ATG4C: variants seen among roughly 807,000 people sequenced by gnomAD.
ATG4C encodes cysteine protease ATG4C.
Under a neutral mutation model 57.6 loss-of-function variants are expected in ATG4C, and 56 were observed. That is an observed-to-expected ratio of 0.97 (90% CI 0.78 to 1.21). The LOEUF is 1.21. Among genes scored for constraint, ATG4C ranks in the 50% most tolerant of loss-of-function variants. The pLI is 0.00. For synonymous variants in ATG4C, 157 were observed against 174.1 expected (o/e 0.90, Z 0.78); for missense variants, 595 against 529.8 (o/e 1.12, Z -1.21).
chr1:62,839,992 GGAGA>G (rs1477570355), intron 9 of ATG4C, among the ~76,000 whole-genome samples: 1 of 152,086 alleles, frequency 6.6e-6, no homozygotes, highest in Non-Finnish European at 1.5e-5. Flanking sequence ...GGATGTACAG[GGAGA>G]GAAAGAGTGA....
chr1:62,785,730 C>G (rs1664060184), intron 1 of ATG4C, among the ~76,000 whole-genome samples: 3 of 151,988 alleles, frequency 2.0e-5, no homozygotes, highest in Admixed American at 1.3e-4. Context: ...CAAGTATGAT[C>G]TATACATGTC....
chr1:62,831,361 C>T (rs749736593), intron 7 of ATG4C, among the ~76,000 whole-genome samples: 13 of 151,976 alleles, frequency 8.6e-5, no homozygotes, highest in Admixed American at 3.3e-4. Context: ...TATGGTCAGC[C>T]GTTGTATTTT....
intron 3 of ATG4C, among the ~76,000 whole-genome samples, chr1:62,810,242 C>T (rs945155042): frequency 6.6e-6 from 1 of 152,070 alleles, no homozygotes; most frequent in African/African-American, 2.4e-5. Context: ...GGGGTTACTG[C>T]TGAAAGTATG....
intron 6 of ATG4C, among the ~76,000 whole-genome samples, chr1:62,825,547 T>G (rs1665623799): frequency 6.6e-6 from 1 of 152,158 alleles, no homozygotes; most frequent in African/African-American, 2.4e-5. Context: ...AGACTTCATC[T>G]CATCTTTTTT....
chr1:62,800,443 C>T lies in ATG4C; in HGVS notation c.-68-3276C>T, dbSNP rs192111599. On this transcript the variant is annotated intron_variant, in intron 1 of 10. Coordinates refer to ENST00000317868, the MANE Select transcript of ATG4C (RefSeq NM_032852.4). ...ACTCCCTTCATTCCCCCTTCGCTGT[C>T]CCTGCGCTTGCCTGTGTCATATGAC... 2.1e-4 allele frequency among the ~76,000 whole-genome samples: 32 copies of T among 152,250 alleles called. No individual in the cohort carries two copies. In the East Asian group the frequency reaches 6.2e-3, roughly 29 times the overall value.
intron 10 of ATG4C, among the ~76,000 whole-genome samples, chr1:62,845,066 T>C (rs2100349781): frequency 6.6e-6 from 1 of 152,192 alleles, no homozygotes; most frequent in South Asian, 2.1e-4. Flanking sequence ...ATAATATTCT[T>C]GTACATATCT....
chr1:62,838,174 C>T (rs10493327), intron 9 of ATG4C, among the ~76,000 whole-genome samples: 69,209 of 151,784 alleles, frequency 0.46, 15,896 homozygotes, highest in East Asian at 0.67. Flanking sequence ...AATTGGTAAA[C>T]AATGTATCAA....
chr1:62,823,049 G>A (rs988162799), intron 6 of ATG4C, among the ~76,000 whole-genome samples: 10 of 152,128 alleles, frequency 6.6e-5, no homozygotes, highest in Admixed American at 6.6e-4. Context: ...CCAGCTACTC[G>A]GGAGGCTGGG....
rs1430517731 is a variant in ATG4C, at chr1:62,834,834, A to AT, written c.1071_1072insT (p.Lys358Ter). The AT allele has an allele frequency of 6.2e-7, 1 of 1,612,160 alleles. No homozygotes were observed. The highest frequency in any genetic ancestry group is 1.3e-5 in the African/African-American group (1 of 74,972). On this transcript the variant is annotated frameshift_variant, in exon 9 of 11. Coordinates refer to ENST00000317868, the MANE Select transcript of ATG4C (RefSeq NM_032852.4). LOFTEE classifies it high-confidence loss of function. ...GCCAATCTTTTGTAGATGTCAGCAT[A>AT]AAGGATTTCCCTCTTGAGGTACTGT...
intron 10 of ATG4C, among the ~76,000 whole-genome samples, chr1:62,844,027 AG>A (rs1285719077): frequency 1.3e-5 from 2 of 152,150 alleles, no homozygotes; most frequent in African/African-American, 4.8e-5. Context: ...GGGAAAGAGA[AG>A]GTTACTTCAA....
rs60298362 is a variant in ATG4C, at chr1:62,801,958, C to CAAAAAAAAAAA, written c.-68-1744_-68-1734dup. Among the ~76,000 whole-genome samples, 60 of 51,888 alleles carry CAAAAAAAAAAA rather than the reference C, an allele frequency of 1.2e-3. 1 individual carries two copies. Among genetic ancestry groups the CAAAAAAAAAAA allele is most frequent in the South Asian group, 2.3e-3 (2 of 860 alleles). The allele number at this position is 51,888 out of a possible 152,430, so 34.0% of individuals were successfully genotyped here. ...GGGGGACAGAGCAAGACTCTGTCTC[C>CAAAAAAAAAAA]AAAAAAAAAAAAAAAAAAAAAAAAA... On this transcript the variant is annotated intron_variant, in intron 1 of 10. Coordinates refer to ENST00000317868, the MANE Select transcript of ATG4C (RefSeq NM_032852.4).
chr1:62,836,278 A>G (rs1665996613), intron 9 of ATG4C, among the ~76,000 whole-genome samples: 1 of 152,104 alleles, frequency 6.6e-6, no homozygotes, highest in South Asian at 2.1e-4. Flanking sequence ...AATTGATTTT[A>G]AGATTTTACT....
chr1:62,786,883 A>G (rs1315791049), intron 1 of ATG4C, among the ~76,000 whole-genome samples: 1 of 152,172 alleles, frequency 6.6e-6, no homozygotes, highest in Non-Finnish European at 1.5e-5. Context: ...GGGAGAGGCC[A>G]GTTAGAAGAT....
chr1:62,786,168 TC>T (rs963619592), intron 1 of ATG4C, among the ~76,000 whole-genome samples: 2 of 152,176 alleles, frequency 1.3e-5, no homozygotes, highest in African/African-American at 4.8e-5. Context: ...TTTCGACTCT[TC>T]CCACTGTACA....
intron 1 of ATG4C, among the ~76,000 whole-genome samples, chr1:62,793,618 A>AAAAAAAAAAAAAAC (rs1553221617): frequency 4.8e-5 from 5 of 104,054 alleles, no homozygotes; most frequent in South Asian, 3.2e-4. Context: ...AAAAAAAAAA[A>AAAAAAAAAAAAAAC]AACCAAAAAA....
At chr1:62,854,777 A>G (rs1299216014) in intron 10 of ATG4C, among the ~76,000 whole-genome samples, 2 of 152,134 alleles carry the variant, frequency 1.3e-5, no homozygotes, top group East Asian at 3.8e-4. Context: ...TGACCCTTAC[A>G]TGTTAGTAAG....
chr1:62,805,560 T>C (rs1188838919), intron 3 of ATG4C, among the ~76,000 whole-genome samples: 5 of 152,112 alleles, frequency 3.3e-5, no homozygotes, highest in South Asian at 2.1e-4. Flanking sequence ...AGTATCACCT[T>C]AGTTAATCTA....
rs57225222 is a variant in ATG4C at position 62,861,576 on chromosome 1, AACACACACACACACAC to A, written c.1210-2380_1210-2365del. On this transcript the variant is annotated intron_variant, in intron 10 of 10. Coordinates refer to ENST00000317868, the MANE Select transcript of ATG4C (RefSeq NM_032852.4). The stretch of plus-strand genomic sequence containing the variant: ...CAGAAGAAAGAAGCTTGGAAAATAG[AACACACACACACACAC>A]ACACACACACACACACACACACACA... Among the ~76,000 whole-genome samples, 400 of 133,562 alleles carry A rather than the reference AACACACACACACACAC, an allele frequency of 3.0e-3. 3 individuals carry two copies. Among genetic ancestry groups the A allele is most frequent in the African/African-American group, 0.01 (365 of 35,004 alleles). 87.6% of individuals were successfully genotyped at this position (133,562 alleles called of 152,430 possible).
rs746308168 is a variant in ATG4C, at chr1:62,864,107, A to T, written c.1325A>T (p.Asp442Val). ...AATGAAGAAGACCTTTTTTCAGAGG[A>T]TGAAAAGAAACAATTAAAAAGATTT... ...TTNEEDLFSE[D>V]EKKQLKRFST... Residue 442 changes from aspartate (D) to valine (V), a missense_variant, in exon 11 of 11, where the codon GAT (aspartate) becomes GTT (valine). Physicochemically the swap from Asp to Val is radical, Grantham distance 152. Transcript: ENST00000317868. The T allele has an allele frequency of 6.2e-7, 1 of 1,608,680 alleles. No individual in the cohort carries two copies. The highest frequency in any genetic ancestry group is 2.2e-5 in the East Asian group (1 of 44,674).
Sources: allele counts gnomAD v4.1 joint callset (sites outside exome capture counted in the v4.1 genomes callset), GRCh38; gene constraint gnomAD v4.1.1; transcripts MANE v1.5; gene names NCBI Gene and HGNC (gene_info 2026-07-23, HGNC 2026-07-21).